ANKRD28: variants seen among roughly 807,000 people sequenced by gnomAD.
ANKRD28 encodes serine/threonine-protein phosphatase 6 regulatory ankyrin repeat subunit A.
In ANKRD28, 44 loss-of-function variants were observed where a neutral mutation model predicts 126.5. The observed-to-expected ratio is 0.35, with a 90% CI of 0.27 to 0.45. The LOEUF (loss-of-function observed/expected upper bound fraction) is 0.45, where lower values mean the gene tolerates loss of function less well. Ranked by LOEUF, ANKRD28 falls within the 20% of genes least tolerant of loss-of-function variation. The pLI is 1.00. For missense variants in ANKRD28, 1,110 were observed against 1,316.6 expected (o/e 0.84, Z 2.43); for synonymous variants, 442 against 468.5 (o/e 0.94, Z 0.73).
Position 15,714,601 on chromosome 3 carries a change from C to G in ANKRD28, c.1052G>C (p.Arg351Pro). 6.3e-7 allele frequency: 1 copy of G among 1,590,692 alleles called. No homozygotes were observed. The highest frequency in any genetic ancestry group is 8.5e-7 in the Non-Finnish European group (1 of 1,172,218). The change falls in exon 9 of 28, where the codon CGA becomes CCA. Residue 351 changes from arginine to proline, a missense_variant. Physicochemically the swap from Arg to Pro is moderately radical, Grantham distance 103. Coordinates refer to ENST00000683139, the MANE Select transcript of ANKRD28 (RefSeq NM_001349278.2). ...HMTALHGRFS[R>P]SQTIIQSGAV... ...ACCACTCTGGATAATGGTTTGTGAT[C>G]GGGAGAATCTACCGTGGAGAGCAGT...
chr3:15,736,016 AAATAGGG>A (rs1423570991), intron 5 of ANKRD28, among the ~76,000 whole-genome samples: 1 of 152,218 alleles, frequency 6.6e-6, no homozygotes, highest in Non-Finnish European at 1.5e-5. Context: ...CGCAGATCTC[AAATAGGG>A]ATACATCTGT....
intron 21 of ANKRD28, among the ~76,000 whole-genome samples, chr3:15,683,538 CAA>C (rs1358027675): frequency 6.6e-6 from 1 of 152,110 alleles, no homozygotes; most frequent in Non-Finnish European, 1.5e-5. Flanking sequence ...TAGTAAAAAA[CAA>C]AGAGACTAAA....
At position 15,838,288 on chromosome 3, in the gene ANKRD28, C is replaced by T. The variant is rs1054391535; in HGVS notation, c.27+21089G>A. 7.2e-5 allele frequency among the ~76,000 whole-genome samples: 11 copies of T among 152,138 alleles called. No individual in the cohort carries two copies. Among genetic ancestry groups the T allele is most frequent in the African/African-American group, 2.7e-4 (11 of 41,414 alleles). On this transcript the variant is annotated intron_variant, in intron 1 of 27. Transcript: ENST00000399451. This position sits in a 1 kb window ranked among gnomAD's most constrained non-coding sequence, Gnocchi z 4.0. ...CATGAGGCTAACATTACCTTAATAC[C>T]AAAGCCAGACAAAGATATCACACGA...
chr3:15,706,700 C>T (rs1342621242), intron 14 of ANKRD28, among the ~76,000 whole-genome samples: 2 of 152,100 alleles, frequency 1.3e-5, no homozygotes, highest in African/African-American at 2.4e-5. Context: ...GTTTATAGTC[C>T]CACCAACAGT....
chr3:15,681,422 A>C (rs776430367), intron 21 of ANKRD28, among the ~76,000 whole-genome samples: 9 of 152,178 alleles, frequency 5.9e-5, no homozygotes, highest in Non-Finnish European at 1.3e-4. Context: ...AAAAATCCAA[A>C]TTTCAAATTT....
intron 4 of ANKRD28, among the ~76,000 whole-genome samples, chr3:15,748,000 A>T (rs1350340589): frequency 1.3e-5 from 2 of 152,168 alleles, no homozygotes; most frequent in African/African-American, 2.4e-5. Flanking sequence ...TGTCTGATAT[A>T]AAAATAGTGA....
At chr3:15,736,397 GA>G (rs376062228) in intron 5 of ANKRD28, among the ~76,000 whole-genome samples, 149 of 152,264 alleles carry the variant, frequency 9.8e-4, no homozygotes, top group African/African-American at 3.5e-3. Context: ...GAACTACTTT[GA>G]AAAAGACATG....
intron 4 of ANKRD28, among the ~76,000 whole-genome samples, chr3:15,740,308 G>C (rs1362918188): frequency 6.6e-6 from 1 of 152,088 alleles, no homozygotes; most frequent in Non-Finnish European, 1.5e-5. Context: ...AGGTTACACA[G>C]GTGTATACAT....
intron 2 of ANKRD28, among the ~76,000 whole-genome samples, chr3:15,779,996 CT>C (rs1250218857): frequency 1.3e-5 from 2 of 152,158 alleles, no homozygotes; most frequent in Non-Finnish European, 2.9e-5. Context: ...AAGTTGAAAG[CT>C]TTCTTCTAAG....
chr3:15,703,485 G>T (rs778540755), intron 14 of ANKRD28, among the ~76,000 whole-genome samples: 5 of 152,174 alleles, frequency 3.3e-5, no homozygotes, highest in Non-Finnish European at 7.4e-5. Flanking sequence ...TTATAAATAA[G>T]GCCCAAAAGA....
intron 4 of ANKRD28, among the ~76,000 whole-genome samples, chr3:15,744,700 A>G (rs1272460976): frequency 6.6e-6 from 1 of 152,188 alleles, no homozygotes; most frequent in Non-Finnish European, 1.5e-5. Flanking sequence ...TTGTGCTGCT[A>G]TAAACATGTG....
chr3:15,731,003 G>T (rs1338132902), intron 6 of ANKRD28, among the ~76,000 whole-genome samples: 1 of 152,164 alleles, frequency 6.6e-6, no homozygotes, highest in Non-Finnish European at 1.5e-5. Flanking sequence ...CTCACTAGAT[G>T]CTAGTGCCTT....
chr3:15,675,612 T>G (rs1276265045), intron 27 of ANKRD28, among the ~76,000 whole-genome samples: 1 of 152,146 alleles, frequency 6.6e-6, no homozygotes, highest in Non-Finnish European at 1.5e-5. Context: ...TGATACATAT[T>G]TGCTGAAAGA....
chr3:15,757,081 G>A (rs1469824078), intron 3 of ANKRD28, among the ~76,000 whole-genome samples: 1 of 152,168 alleles, frequency 6.6e-6, no homozygotes, highest in Non-Finnish European at 1.5e-5. Context: ...AGATGTTTAT[G>A]ATGATCTGCG....
intron 2 of ANKRD28, 118 bp downstream of exon 2, chr3:15,795,105 C>T: frequency 1.4e-6 from 1 of 725,492 alleles, no homozygotes; most frequent in Non-Finnish European, 2.3e-6. Context: ...CCTTCCTGCC[C>T]TCATTTAAAA....
intron 4 of ANKRD28, among the ~76,000 whole-genome samples, chr3:15,741,797 G>C (rs368858032): frequency 1.4e-5 from 2 of 138,672 alleles, no homozygotes; most frequent in East Asian, 2.1e-4. Flanking sequence ...TAACATATTT[G>C]CAGGTACTGC....
chr3:15,752,435 T>C (rs2057915308), intron 3 of ANKRD28, among the ~76,000 whole-genome samples: 1 of 152,182 alleles, frequency 6.6e-6, no homozygotes, highest in East Asian at 1.9e-4. Flanking sequence ...TGTTTAAAAA[T>C]CATTAAGTCA....
At chr3:15,855,894 CAACTG>C (rs1426919620) in intron 1 of ANKRD28, among the ~76,000 whole-genome samples, 1 of 152,184 alleles carries the variant, frequency 6.6e-6, no homozygotes, top group African/African-American at 2.4e-5. Context: ...AAAAACCACT[CAACTG>C]TACCCTTTAA....
intron 6 of ANKRD28, among the ~76,000 whole-genome samples, chr3:15,734,044 C>A (rs2074842480): frequency 2.0e-5 from 3 of 152,112 alleles, no homozygotes; most frequent in Non-Finnish European, 4.4e-5. Flanking sequence ...CTGTGTGGGT[C>A]CACTTATATA....
Sources: gnomAD v4.1 joint callset for allele counts (sites outside exome capture counted in the v4.1 genomes callset) on GRCh38, gnomAD v4.1.1 for gene constraint, Gnocchi (gnomAD v3.1) non-coding constraint, MANE v1.5 for transcripts, NCBI Gene and HGNC (gene_info 2026-07-23, HGNC 2026-07-21) for gene names.